KMT2C: variants seen among roughly 807,000 people sequenced by gnomAD.
The protein encoded by KMT2C is lysine methyltransferase 2C, also known as histone-lysine N-methyltransferase 2C.
A neutral mutation model predicts 507.9 loss-of-function variants in KMT2C; 88 were observed. The observed-to-expected ratio is 0.17, with a 90% CI of 0.15 to 0.21. KMT2C has a LOEUF of 0.21. Ranked by LOEUF, KMT2C falls within the 10% of genes least tolerant of loss-of-function variation. KMT2C has a pLI of 1.00. For synonymous variants in KMT2C, 2,049 were observed against 2,080.8 expected, an observed-to-expected ratio of 0.98 and a Z score of 0.42; for missense variants, 4,954 against 5,957.8, an observed-to-expected ratio of 0.83 and a Z score of 5.55.
intron 5 of KMT2C, 147 bp downstream of exon 5, chr7:152,311,651 C>T (rs913162064): frequency 3.5e-6 from 2 of 574,816 alleles, no homozygotes; most frequent in Admixed American, 3.5e-5. Context: ...TTTTACCTAA[C>T]CAGGCATATT....
intron 1 of KMT2C, among the ~76,000 whole-genome samples, chr7:152,418,960 A>G (rs942806379): frequency 4.6e-5 from 7 of 152,108 alleles, no homozygotes; most frequent in African/African-American, 1.7e-4. Flanking sequence ...TTGAAAGGCC[A>G]AGGTGGGAGG....
At chr7:152,275,769 A>G (rs1588817538) in intron 6 of KMT2C, among the ~76,000 whole-genome samples, 1 of 152,328 alleles carries the variant, frequency 6.6e-6, no homozygotes, top group African/African-American at 2.4e-5. Flanking sequence ...GTCGAAAGGA[A>G]AAGTACAATC....
Position 152,199,261 on chromosome 7 carries a change from G to A in KMT2C, c.4273+18C>T, listed in dbSNP as rs568141137. The A allele has an allele frequency of 7.1e-6, 11 of 1,555,420 alleles. No homozygotes were observed. In the Admixed American group the frequency reaches 2.1e-4, roughly 30 times the overall value. ...GTTATATGATATAAAGAAAATATCTGTGAATAATTCTACATACCGTGAGTT... is the reference window on the plus strand; with the variant it reads ...GTTATATGATATAAAGAAAATATCTATGAATAATTCTACATACCGTGAGTT... On this transcript the variant is annotated intron_variant, in intron 27 of 58. Coordinates refer to ENST00000262189, the MANE Select transcript of KMT2C (RefSeq NM_170606.3).
intron 23 of KMT2C, among the ~76,000 whole-genome samples, chr7:152,215,688 T>TATACACAC (rs766518165): frequency 3.7e-5 from 5 of 134,432 alleles, no homozygotes; most frequent in African/African-American, 1.0e-4. Context: ...TATATATATA[T>TATACACAC]ACACACACAC....
chr7:152,186,558 C>T (rs907091622), intron 33 of KMT2C, among the ~76,000 whole-genome samples: 48 of 152,302 alleles, frequency 3.2e-4, no homozygotes, highest in African/African-American at 1.2e-3. Context: ...TACCTAAATA[C>T]AGGGGTCATC....
At chr7:152,223,522 A>T (rs188108197) in intron 20 of KMT2C, among the ~76,000 whole-genome samples, 1 of 152,290 alleles carries the variant, frequency 6.6e-6, no homozygotes, top group East Asian at 1.9e-4. Flanking sequence ...GGGCGGGCAC[A>T]GTGGCTCACA....
At chr7:152,187,206 A>AT in intron 33 of KMT2C, 56 bp downstream of exon 33, 2 of 1,339,158 alleles carry the variant, frequency 1.5e-6, no homozygotes, top group Non-Finnish European at 2.1e-6. Context: ...AAAAAAAAAA[A>AT]GGTATTGCAC....
chr7:152,424,739 A>G (rs1340744523), intron 1 of KMT2C, among the ~76,000 whole-genome samples: 2 of 152,074 alleles, frequency 1.3e-5, no homozygotes, highest in African/African-American at 4.8e-5. Flanking sequence ...CGCTAATCTT[A>G]CTAATCACTT....
rs557665722 is a variant in KMT2C, at chr7:152,309,002, T to G, written c.849+964A>C. ...ATGGCAGACTATGCACATATTACTTTGATACAATGCAATAAAGATGAACTG... is the reference window on the plus strand; with the variant it reads ...ATGGCAGACTATGCACATATTACTTGGATACAATGCAATAAAGATGAACTG... On this transcript the variant is annotated intron_variant, in intron 6 of 58. Coordinates refer to ENST00000262189, the MANE Select transcript of KMT2C (RefSeq NM_170606.3). 8.0e-4 allele frequency among the ~76,000 whole-genome samples: 122 copies of G among 152,260 alleles called. 2 individuals carry two copies. The South Asian group carries it at 0.011, about 13-fold the overall frequency.
intron 23 of KMT2C, among the ~76,000 whole-genome samples, chr7:152,209,873 G>A (rs1311140072): frequency 1.3e-5 from 2 of 152,102 alleles, no homozygotes; most frequent in African/African-American, 4.8e-5. Context: ...TGAGAAACTA[G>A]GAAAACTGGC....
rs757206883 is a variant in KMT2C at position 152,145,340 on chromosome 7, G to A, written c.14032-45C>T. 5 of 1,595,340 alleles carry A rather than the reference G, an allele frequency of 3.1e-6. No homozygotes were observed. In the South Asian group the frequency reaches 5.6e-5, roughly 18 times the overall value. ...ACACAAAGTCACCCCATCTGATGGA[G>A]ACTACAGACAATCTCAAGCTGGTCA... On this transcript the variant is annotated intron_variant, in intron 53 of 58. Coordinates refer to ENST00000262189, the MANE Select transcript of KMT2C (RefSeq NM_170606.3).
chr7:152,394,318 T>C (rs2097523639), intron 1 of KMT2C, among the ~76,000 whole-genome samples: 1 of 152,320 alleles, frequency 6.6e-6, no homozygotes, highest in African/African-American at 2.4e-5. Context: ...CTCACAATGG[T>C]CTACAAGGCC....
chr7:152,211,968 A>C (rs1455873527), intron 23 of KMT2C, among the ~76,000 whole-genome samples: 2 of 152,200 alleles, frequency 1.3e-5, no homozygotes, highest in Non-Finnish European at 1.5e-5. Context: ...GAATGGCACG[A>C]ACCTGGGAGG....
In KMT2C at chr7:152,432,068, T is replaced by C. The variant is rs565443640; in HGVS notation, c.161+3558A>G. On this transcript the variant is annotated intron_variant, in intron 1 of 58. Transcript: ENST00000262189. ...GTTGTGCCTAATTTTTCTACAACAA[T>C]AATGCTTAAGGTGGCTCTCTAATAA... Among the ~76,000 whole-genome samples the C allele has an allele frequency of 5.3e-5, 8 of 152,322 alleles. No homozygotes were observed. In the East Asian group the frequency reaches 1.5e-3, roughly 29 times the overall value.
chr7:152,393,451 T>C (rs1322018223), intron 1 of KMT2C, among the ~76,000 whole-genome samples: 2 of 152,088 alleles, frequency 1.3e-5, no homozygotes, highest in African/African-American at 2.4e-5. Flanking sequence ...AAATGGGCAA[T>C]GACAAACAGA....
At position 152,357,618 on chromosome 7, in the gene KMT2C, A is replaced by G. The variant is rs528382004; in HGVS notation, c.250+969T>C. ...AAGTAACAATATATAGTACAGAAAAAAAAACCATATGAAAAAGAATTAACA... is the reference window on the plus strand; with the variant it reads ...AAGTAACAATATATAGTACAGAAAAGAAAACCATATGAAAAAGAATTAACA... On this transcript the variant is annotated intron_variant, in intron 2 of 58. Transcript: ENST00000262189. Among the ~76,000 whole-genome samples the G allele has an allele frequency of 7.9e-5, 12 of 152,318 alleles. No homozygotes were observed. The South Asian group carries it at 1.2e-3, about 16-fold the overall frequency.
chr7:152,321,637 C>T (rs1329588333), intron 3 of KMT2C, among the ~76,000 whole-genome samples: 1 of 151,748 alleles, frequency 6.6e-6, no homozygotes, highest in Admixed American at 6.6e-5. Context: ...GCAAACGATC[C>T]TAAAAGAAAA....
In KMT2C at chr7:152,167,393, A is replaced by T; in HGVS notation, c.9518-15T>A. ...CTGTGAATCATCTGAGGAAAAATTA[A>T]AATTCAGTTGTGTTAATTTTCTAAA... On this transcript the variant is annotated splice_polypyrimidine_tract_variant and intron_variant, in intron 41 of 58. Coordinates refer to ENST00000262189, the MANE Select transcript of KMT2C (RefSeq NM_170606.3). The T allele has an allele frequency of 6.4e-7, 1 of 1,553,956 alleles. No individual in the cohort carries two copies. Among genetic ancestry groups the T allele is most frequent in the Non-Finnish European group, 8.9e-7 (1 of 1,129,722 alleles).
At chr7:152,298,312 C>T (rs545876169) in intron 6 of KMT2C, among the ~76,000 whole-genome samples, 4 of 151,962 alleles carry the variant, frequency 2.6e-5, no homozygotes, top group African/African-American at 9.7e-5. Flanking sequence ...CTCAGCAAAC[C>T]CCAAGCACAA....
Sources: allele counts gnomAD v4.1 joint callset (sites outside exome capture counted in the v4.1 genomes callset), GRCh38; gene constraint gnomAD v4.1.1; transcripts MANE v1.5; gene names NCBI Gene and HGNC (gene_info 2026-07-23, HGNC 2026-07-21).